Variants in BTD observed in about 807,000 individuals in gnomAD.
BTD encodes biocytinase.
BTD carries 13 observed loss-of-function variants against 17.7 expected under a neutral mutation model. The observed-to-expected ratio is 0.74, with a 90% confidence interval of 0.48 to 1.17. The LOEUF (loss-of-function observed/expected upper bound fraction) is 1.17, where lower values mean the gene tolerates loss of function less well. Among genes scored for constraint, BTD ranks in the 50% most tolerant of loss-of-function variants. The pLI is 0.00. For missense variants in BTD, 674 were observed against 650.4 expected, an observed-to-expected ratio of 1.04 and a Z score of -0.39; for synonymous variants, 240 against 245.2, an observed-to-expected ratio of 0.98 and a Z score of 0.20.
intron 1 of BTD, among the ~76,000 whole-genome samples, chr3:15,610,987 C>G (rs1478962853): frequency 6.6e-6 from 1 of 151,568 alleles, no homozygotes; most frequent in Non-Finnish European, 1.5e-5. Context: ...TCCAAAACTC[C>G]CAGTTGAATT....
downstream of BTD, chr3:15,713,719 A>T (rs529582560): frequency 2.4e-5 from 22 of 903,368 alleles, no homozygotes; most frequent in African/African-American, 3.3e-4. Flanking sequence ...AGTAATAAAA[A>T]ATGCTGTTCA....
chr3:15,627,771 G>A (rs1356666691), intron 1 of BTD, among the ~76,000 whole-genome samples: 1 of 152,088 alleles, frequency 6.6e-6, no homozygotes, highest in Non-Finnish European at 1.5e-5. Context: ...GCCCAGGCTG[G>A]AGTGCAATGG....
chr3:15,627,019 A>G (rs2065083854), intron 1 of BTD, among the ~76,000 whole-genome samples: 1 of 152,304 alleles, frequency 6.6e-6, no homozygotes, highest in Admixed American at 6.5e-5. Context: ...AAGAAAGGCA[A>G]AGATAGAGAT....
In BTD at chr3:15,653,030, C is replaced by T. The variant is rs779246740; in HGVS notation, c.*7542C>T. Among the ~76,000 whole-genome samples the T allele has an allele frequency of 2.0e-5, 3 of 152,214 alleles. No homozygotes were observed. The highest frequency in any genetic ancestry group is 4.4e-5 in the Non-Finnish European group (3 of 68,040). ...TGACAGTGGCCAGGAAAACCTCCTG[C>T]CCGCAGAATTTTGTCTAATCCACCC... On this transcript the variant is annotated 3_prime_UTR_variant, in exon 4 of 4. Transcript: ENST00000643237.
chr3:15,650,394 C>T lies in BTD; in HGVS notation c.*4906C>T, dbSNP rs2065782306. Among the ~76,000 whole-genome samples the T allele has an allele frequency of 6.6e-6, 1 of 151,718 alleles. No individual in the cohort carries two copies. The highest frequency in any genetic ancestry group is 1.5e-5 in the Non-Finnish European group (1 of 67,996). On this transcript the variant is annotated 3_prime_UTR_variant, in exon 4 of 4. Transcript: ENST00000643237. ...ATTTTTTGTAGATAACTTTTCTTCT[C>T]ATTTTCCTTCTCATTCTCTTCATCT...
rs2065773440 is a variant in BTD, at chr3:15,649,809, A to C, written c.*4321A>C. On this transcript the variant is annotated 3_prime_UTR_variant, in exon 4 of 4. Transcript: ENST00000643237. Reference sequence around the variant, plus strand: ...AGTTCACAGAGCCCTTTCTCATTGAACTATTTATCTGAGTTCCCTCTGCCG... The same window carrying C: ...AGTTCACAGAGCCCTTTCTCATTGACCTATTTATCTGAGTTCCCTCTGCCG... Among the ~76,000 whole-genome samples the C allele has an allele frequency of 6.6e-6, 1 of 151,800 alleles. No individual in the cohort carries two copies. The highest frequency in any genetic ancestry group is 2.1e-4 in the South Asian group (1 of 4,828).
At chr3:15,708,578 G>C (rs2071784487) in intron 3 of BTD, among the ~76,000 whole-genome samples, 1 of 152,092 alleles carries the variant, frequency 6.6e-6, no homozygotes, top group Admixed American at 6.6e-5. Flanking sequence ...TCTGTTATTT[G>C]TAGTATAGAA....
In BTD at chr3:15,646,108, G is replaced by A. The variant is rs1217958648; in HGVS notation, c.*620G>A. 2.6e-5 allele frequency: 4 copies of A among 152,096 alleles called. No homozygotes were observed. The highest frequency in any genetic ancestry group is 9.7e-5 in the African/African-American group (4 of 41,404). The allele number at this position is 152,096 out of a possible 1,614,324, so 9.4% of individuals were successfully genotyped here. A position where few individuals can be genotyped will look rare whatever the true frequency, so the allele number is the denominator to read the frequency against. On this transcript the variant is annotated 3_prime_UTR_variant, in exon 4 of 4. Transcript: ENST00000643237. ...GCGTTCCTCACATCTGCCAGTAATG[G>A]AATTTTCTGTCAGTAAATGGAATGT...
chr3:15,703,265 T>C (rs1221865234), intron 3 of BTD, among the ~76,000 whole-genome samples: 2 of 152,236 alleles, frequency 1.3e-5, no homozygotes, highest in African/African-American at 4.8e-5. Flanking sequence ...TTTATGAAGT[T>C]TGAAAACAGA....
At chr3:15,705,353 G>A (rs375575361) in intron 3 of BTD, among the ~76,000 whole-genome samples, 58 of 152,236 alleles carry the variant, frequency 3.8e-4, no homozygotes, top group African/African-American at 1.4e-3. Flanking sequence ...TTCAGGTTTA[G>A]TGCATTTGTC....
At chr3:15,690,838 A>C (rs999025271) in intron 3 of BTD, among the ~76,000 whole-genome samples, 1 of 152,084 alleles carries the variant, frequency 6.6e-6, no homozygotes, top group African/African-American at 2.4e-5. Context: ...TCAAAGTGCT[A>C]GGAATACAGG....
rs567333130 is a variant in BTD at position 15,708,204 on chromosome 3, G to A, written c.400-1856G>A. The A allele has an allele frequency of 8.9e-5, 83 of 934,600 alleles. 1 individual carries two copies. In the South Asian group the frequency reaches 1.2e-3, roughly 13 times the overall value. 57.9% of individuals were successfully genotyped at this position (934,600 alleles called of 1,614,324 possible). The stretch of plus-strand genomic sequence containing the variant: ...TAGACTACCATATACTAAGTCTTGC[G>A]GAGGACTGGACATAAAGCTAGAAGA... On this transcript the variant is annotated intron_variant, in intron 3 of 3. Transcript: ENST00000672141.
rs186983093 is a variant in BTD at position 15,653,344 on chromosome 3, C to T, written c.*7856C>T. Among the ~76,000 whole-genome samples the T allele has an allele frequency of 4.7e-4, 72 of 152,364 alleles. No homozygotes were observed. Among genetic ancestry groups the T allele is most frequent in the African/African-American group, 1.7e-3 (71 of 41,592 alleles). ...CATCACCTCAGTCCTCTGAAACAGG[C>T]AAGTGTGTCCATTTTACAGAAGAAG... is the stretch of plus-strand genomic sequence containing the variant. On this transcript the variant is annotated 3_prime_UTR_variant, in exon 4 of 4. Coordinates refer to ENST00000643237, the MANE Select transcript of BTD (RefSeq NM_001370658.1).
intron 3 of BTD, among the ~76,000 whole-genome samples, chr3:15,692,523 C>A (rs1056624200): frequency 6.6e-6 from 1 of 152,192 alleles, no homozygotes; most frequent in African/African-American, 2.4e-5. Context: ...TGATTTGCCA[C>A]AGGGCTTTTC....
chr3:15,629,869 G>A (rs1002698200), intron 1 of BTD: 1 of 196,762 alleles, frequency 5.1e-6, no homozygotes, highest in Non-Finnish European at 9.2e-6. Context: ...TCACCATGAA[G>A]ATGGAATTTT....
intron 1 of BTD, among the ~76,000 whole-genome samples, chr3:15,613,144 A>C (rs971950408): frequency 2.6e-5 from 4 of 152,168 alleles, no homozygotes; most frequent in South Asian, 4.1e-4. Flanking sequence ...GTCATATTCT[A>C]TTGGCTAGTA....
chr3:15,690,304 C>A, intron 3 of BTD: 1 of 1,145,598 alleles, frequency 8.7e-7, no homozygotes. Flanking sequence ...AATAAGCAAA[C>A]TTGTCTTCAT....
At chr3:15,684,413 T>C (rs993160346) in intron 3 of BTD, 1 of 152,196 alleles carries the variant, frequency 6.6e-6, no homozygotes, top group African/African-American at 2.4e-5. Context: ...TTTCTAATTC[T>C]AAGACCTGCT....
intron 1 of BTD, among the ~76,000 whole-genome samples, chr3:15,632,386 G>A (rs974490994): frequency 2.6e-5 from 4 of 152,166 alleles, no homozygotes; most frequent in African/African-American, 9.7e-5. Context: ...GCACCTTCCT[G>A]GTTCTGCTGT....
Sources: gnomAD v4.1 joint callset for allele counts (sites outside exome capture counted in the v4.1 genomes callset) on GRCh38, gnomAD v4.1.1 for gene constraint, MANE v1.5 for transcripts, NCBI Gene and HGNC (gene_info 2026-07-23, HGNC 2026-07-21) for gene names.